RNF13: variants seen among roughly 807,000 people sequenced by gnomAD.
RNF13 encodes the protein E3 ubiquitin-protein ligase RNF13.
In RNF13, 19 loss-of-function variants were observed where a neutral mutation model predicts 37.7. The observed-to-expected ratio is 0.50, with a 90% confidence interval of 0.35 to 0.74. RNF13 has a LOEUF of 0.74. Ranked by LOEUF, RNF13 falls within the 30% of genes least tolerant of loss-of-function variation. The pLI is 0.01. For synonymous variants in RNF13, 144 were observed against 157.8 expected, an observed-to-expected ratio of 0.91 and a Z score of 0.65; for missense variants, 375 against 453.0, an observed-to-expected ratio of 0.83 and a Z score of 1.56.
At chr3:149,830,968 C>T (rs1238353811) in intron 1 of RNF13, among the ~76,000 whole-genome samples, 1 of 152,224 alleles carries the variant, frequency 6.6e-6, no homozygotes, top group Non-Finnish European at 1.5e-5. Context: ...GGTGCAAACC[C>T]CAAGCATTGA....
intron 1 of RNF13, among the ~76,000 whole-genome samples, chr3:149,837,741 G>C (rs1721768650): frequency 6.6e-6 from 1 of 152,050 alleles, no homozygotes; most frequent in Admixed American, 6.6e-5. Context: ...AGATTTGGGT[G>C]AGGACACAGC....
At chr3:149,836,849 A>C (rs1320101285) in intron 1 of RNF13, among the ~76,000 whole-genome samples, 2 of 152,240 alleles carry the variant, frequency 1.3e-5, no homozygotes, top group African/African-American at 4.8e-5. Flanking sequence ...CATGTGGTAC[A>C]ACACTTCAAG....
At chr3:149,909,058 T>A (rs947156422) in intron 6 of RNF13, among the ~76,000 whole-genome samples, 2 of 152,130 alleles carry the variant, frequency 1.3e-5, no homozygotes, top group African/African-American at 4.8e-5. Flanking sequence ...AAATACAGAT[T>A]AATCTGGGAC....
At chr3:149,861,368 T>TGG (rs1724238266) in intron 3 of RNF13, among the ~76,000 whole-genome samples, 1 of 152,102 alleles carries the variant, frequency 6.6e-6, no homozygotes, top group African/African-American at 2.4e-5. Context: ...AGCCAAGATG[T>TGG]GGAATCAACC....
chr3:149,825,999 T>A (rs941881236), intron 1 of RNF13, among the ~76,000 whole-genome samples: 1 of 152,224 alleles, frequency 6.6e-6, no homozygotes, highest in Non-Finnish European at 1.5e-5. Flanking sequence ...AGCTTAATAA[T>A]CATTTATATT....
At chr3:149,851,293 C>T (rs1197114593) in intron 2 of RNF13, 1 of 152,222 alleles carries the variant, frequency 6.6e-6, no homozygotes, top group Non-Finnish European at 1.5e-5. Context: ...GGAGACTTGA[C>T]AGATGAAAGG....
At chr3:149,939,036 T>G in intron 8 of RNF13, 1 of 487,912 alleles carries the variant, frequency 2.0e-6, no homozygotes, top group African/African-American at 2.0e-5. Flanking sequence ...AACCTCCTGG[T>G]CAGTCATCCG....
At chr3:149,885,677 T>C (rs1035261500) in intron 4 of RNF13, among the ~76,000 whole-genome samples, 1 of 152,214 alleles carries the variant, frequency 6.6e-6, no homozygotes. Context: ...TCCTAATCTG[T>C]AGGTTGTCTC....
At chr3:149,951,503 C>T (rs1267617160) in intron 8 of RNF13, among the ~76,000 whole-genome samples, 1 of 152,124 alleles carries the variant, frequency 6.6e-6, no homozygotes, top group East Asian at 1.9e-4. Flanking sequence ...AGAGTTGGTG[C>T]TATAGGTTGA....
intron 4 of RNF13, among the ~76,000 whole-genome samples, chr3:149,877,472 C>CTTTTTTTTTTTTTTTTTTTTTTTGT (rs369676407): frequency 3.9e-5 from 4 of 101,484 alleles, no homozygotes; most frequent in Non-Finnish European, 6.1e-5. Context: ...TTCTTTCTGT[C>CTTTTTTTTTTTTTTTTTTTTTTTGT]TTTTTTTTTT....
chr3:149,904,023 T>C (rs1716141864), intron 6 of RNF13, among the ~76,000 whole-genome samples: 1 of 151,840 alleles, frequency 6.6e-6, no homozygotes, highest in Non-Finnish European at 1.5e-5. Flanking sequence ...TATTTATCTG[T>C]CTGTCTGTTT....
intron 8 of RNF13, among the ~76,000 whole-genome samples, chr3:149,932,811 T>C (rs1719295178): frequency 6.6e-6 from 1 of 152,224 alleles, no homozygotes; most frequent in Admixed American, 6.5e-5. Context: ...TTCTTGGGTC[T>C]GGAGGATAGC....
chr3:149,880,215 A>C (rs1713227079), intron 4 of RNF13, among the ~76,000 whole-genome samples: 1 of 152,216 alleles, frequency 6.6e-6, no homozygotes, highest in South Asian at 2.1e-4. Flanking sequence ...CTTGTTGCAC[A>C]GAAAGTTATT....
intron 3 of RNF13, among the ~76,000 whole-genome samples, chr3:149,860,508 A>C (rs1724147885): frequency 6.6e-6 from 1 of 151,794 alleles, no homozygotes; most frequent in African/African-American, 2.4e-5. Context: ...TGCCAAGAAC[A>C]TACACTGGGG....
At chr3:149,873,475 T>C (rs1407990105) in intron 4 of RNF13, among the ~76,000 whole-genome samples, 1 of 152,164 alleles carries the variant, frequency 6.6e-6, no homozygotes, top group East Asian at 1.9e-4. Flanking sequence ...TGAGTACTTC[T>C]AAAGGAGTTT....
rs552439149 is a variant in RNF13 at position 149,867,274 on chromosome 3, T to G, written c.196-4755T>G. On this transcript the variant is annotated intron_variant, in intron 3 of 9. Transcript: ENST00000392894. ...GTGACCTTCCTTGTCTCTTTTTTTT[T>G]TCTTTTTTTGAGACAGAGTCTTGCT... Among the ~76,000 whole-genome samples, 7 of 152,208 alleles carry G rather than the reference T, an allele frequency of 4.6e-5. No individual in the cohort carries two copies. In the South Asian group the frequency reaches 8.3e-4, roughly 18 times the overall value.
chr3:149,855,644 T>C (rs933271697), intron 3 of RNF13, among the ~76,000 whole-genome samples: 1 of 151,548 alleles, frequency 6.6e-6, no homozygotes, highest in Admixed American at 6.6e-5. Flanking sequence ...GTATTTTTTT[T>C]CCCCCAAAGT....
intron 8 of RNF13, among the ~76,000 whole-genome samples, chr3:149,952,522 T>C (rs1284411231): frequency 6.6e-6 from 1 of 152,144 alleles, no homozygotes; most frequent in Non-Finnish European, 1.5e-5. Context: ...TGGAAGGGTG[T>C]TGTACACCCT....
rs1278361376 is a variant in RNF13 at position 149,938,832 on chromosome 3, A to ATT, written c.700+17608_700+17609dup. On this transcript the variant is annotated intron_variant, in intron 8 of 9. Coordinates refer to ENST00000392894, the MANE Select transcript of RNF13 (RefSeq NM_183381.3). ...TTCCATCTTTAAAAACTAAACAGGC[A>ATT]TTTTGGGCAACACATTCTTGGCAAT... is the stretch of plus-strand genomic sequence containing the variant. 2.0e-5 allele frequency among the ~76,000 whole-genome samples: 3 copies of ATT among 152,170 alleles called. No homozygotes were observed. The East Asian group carries it at 5.8e-4, about 29-fold the overall frequency.
Sources: allele counts gnomAD v4.1 joint callset (sites outside exome capture counted in the v4.1 genomes callset), GRCh38; gene constraint gnomAD v4.1.1; transcripts MANE v1.5; gene names NCBI Gene and HGNC (gene_info 2026-07-23, HGNC 2026-07-21).